The following PTPDC1 variants were observed in gnomAD, a reference collection of about 807,000 sequenced individuals.
PTPDC1 encodes protein tyrosine phosphatase domain-containing protein 1.
PTPDC1 carries 53 observed loss-of-function variants against 75.3 expected under a neutral mutation model. That is an observed-to-expected ratio of 0.70 (90% CI 0.56 to 0.88). The LOEUF is 0.88. PTPDC1 is among the 40% of genes least tolerant of loss of function. The pLI is 0.00. For synonymous variants in PTPDC1, 349 were observed against 366.2 expected (o/e 0.95, Z 0.54); for missense variants, 925 against 998.6 (o/e 0.93, Z 0.99).
At chr9:94,088,071 G>T in intron 3 of PTPDC1, 74 bp from the exon 4 acceptor site, 1 of 1,550,350 alleles carries the variant, frequency 6.5e-7, no homozygotes, top group South Asian at 1.2e-5. Context: ...TAATAATGTT[G>T]ATTAATACCA....
chr9:94,087,230 G>T (rs929489538), intron 2 of PTPDC1, among the ~76,000 whole-genome samples: 4 of 152,042 alleles, frequency 2.6e-5, no homozygotes, highest in African/African-American at 9.7e-5. Flanking sequence ...TTATGTCTTG[G>T]AATTTTTTCC....
At chr9:94,100,136 T>C (rs1299477463) in intron 6 of PTPDC1, 1 of 152,246 alleles carries the variant, frequency 6.6e-6, no homozygotes, top group Non-Finnish European at 1.5e-5. Context: ...TTTGTTAATC[T>C]TGTGAATTCA....
intron 1 of PTPDC1, among the ~76,000 whole-genome samples, chr9:94,050,310 T>TAGAG (rs1176388475): frequency 6.6e-6 from 1 of 152,168 alleles, no homozygotes. Context: ...GAGTTTCCAG[T>TAGAG]TTTTCTGCTC....
intron 8 of PTPDC1, among the ~76,000 whole-genome samples, chr9:94,107,467 G>A (rs1209070555): frequency 6.6e-6 from 1 of 152,204 alleles, no homozygotes; most frequent in Non-Finnish European, 1.5e-5. Flanking sequence ...CTCTCAGCAG[G>A]ACGTATACAG....
At chr9:94,104,470 T>C in intron 8 of PTPDC1, 85 bp downstream of exon 8, 1 of 836,886 alleles carries the variant, frequency 1.2e-6, no homozygotes, top group Non-Finnish European at 1.9e-6. Context: ...ACCGTCCTCC[T>C]CTAAAATAAA....
upstream of PTPDC1, among the ~76,000 whole-genome samples, chr9:94,084,163 G>A (rs1826980370): frequency 1.3e-5 from 2 of 152,140 alleles, no homozygotes; most frequent in Admixed American, 6.5e-5. Context: ...TATGTAAAAG[G>A]CAGTTTTTGC....
chr9:94,084,134 A>T (rs1826979611), upstream of PTPDC1, among the ~76,000 whole-genome samples: 1 of 152,218 alleles, frequency 6.6e-6, no homozygotes, highest in Admixed American at 6.5e-5. Flanking sequence ...GAATAACAGA[A>T]TTTAAGCCTT....
In PTPDC1 at chr9:94,097,680, G is replaced by A. The variant is rs753087644; in HGVS notation, c.1114G>A (p.Ala372Thr). The change falls in exon 6 of 9, where the codon GCT becomes ACT. Residue 372 changes from alanine to threonine, a missense_variant. Physicochemically the swap from Ala to Thr is moderately conservative, Grantham distance 58 (BLOSUM62 0). Transcript: ENST00000620992. The stretch of plus-strand genomic sequence containing the variant: ...TGTGTCCGAAGGACCTGGTCTCTCT[G>A]CTGAAATAGAAAAGACAATGTCTGA... ...KDVSEGPGLS[A>T]EIEKTMSEMV... The A allele has an allele frequency of 3.1e-6, 5 of 1,614,170 alleles. No individual in the cohort carries two copies. The highest frequency in any genetic ancestry group is 1.7e-5 in the Admixed American group (1 of 60,016).
Position 94,097,802 on chromosome 9 carries a change from T to C in PTPDC1, c.1236T>C (p.Asn412=). The change falls in exon 6 of 9, where the codon AAT becomes AAC. Residue 412 remains asparagine (N), a synonymous_variant. Coordinates refer to ENST00000620992, the MANE Select transcript of PTPDC1 (RefSeq NM_001253829.2). ...NPTAVAADFD[N]RGMIFSNEQQ... is the part of the protein sequence containing the mutation. ...CTGCAGTGGCAGCAGATTTTGACAA[T>C]CGAGGCATGATTTTCTCCAATGAGC... 2 of 1,614,158 alleles carry C rather than the reference T, an allele frequency of 1.2e-6. No homozygotes were observed. Among genetic ancestry groups the C allele is most frequent in the Non-Finnish European group, 1.7e-6 (2 of 1,180,030 alleles).
intron 1 of PTPDC1, among the ~76,000 whole-genome samples, chr9:94,035,534 G>A (rs918786831): frequency 1.3e-5 from 2 of 152,150 alleles, no homozygotes; most frequent in Non-Finnish European, 2.9e-5. Context: ...AGGCTGAATA[G>A]TAGTCCATTG....
At chr9:94,082,722 T>C (rs1826926467), upstream of PTPDC1, among the ~76,000 whole-genome samples, 1 of 152,184 alleles carries the variant, frequency 6.6e-6, no homozygotes. Context: ...TAGGCTTGAC[T>C]TCCTTAGACA....
At chr9:94,067,336 G>A (rs1334461303) in intron 2 of PTPDC1, among the ~76,000 whole-genome samples, 2 of 151,808 alleles carry the variant, frequency 1.3e-5, no homozygotes, top group East Asian at 1.9e-4. Flanking sequence ...GTTGCAGGGA[G>A]CCAAGATCAT....
intron 1 of PTPDC1, among the ~76,000 whole-genome samples, chr9:94,038,939 CTT>C (rs1317504994): frequency 6.6e-6 from 1 of 152,262 alleles, no homozygotes; most frequent in South Asian, 2.1e-4. Flanking sequence ...TCATTTAACA[CTT>C]TTAAAATTTT....
At chr9:94,051,129 G>A (rs1269996903) in intron 1 of PTPDC1, among the ~76,000 whole-genome samples, 3 of 152,208 alleles carry the variant, frequency 2.0e-5, no homozygotes, top group African/African-American at 7.2e-5. Context: ...CTTTGACTAG[G>A]AAAGGGAATT....
intron 1 of PTPDC1, among the ~76,000 whole-genome samples, chr9:94,035,195 G>C (rs780337645): frequency 3.9e-5 from 6 of 152,240 alleles, no homozygotes; most frequent in Non-Finnish European, 7.4e-5. Context: ...TGTTTCCCAA[G>C]AAGTTTGCAA....
chr9:94,106,124 T>G (rs1413936420), intron 8 of PTPDC1, among the ~76,000 whole-genome samples: 1 of 152,238 alleles, frequency 6.6e-6, no homozygotes, highest in Non-Finnish European at 1.5e-5. Flanking sequence ...GCAGTAGGAA[T>G]TCTTTACAAC....
intron 2 of PTPDC1, among the ~76,000 whole-genome samples, chr9:94,067,186 G>C (rs1564018495): frequency 6.6e-6 from 1 of 151,940 alleles, no homozygotes; most frequent in Non-Finnish European, 1.5e-5. Flanking sequence ...TCAGGAGTTC[G>C]AGACCAGCCT....
chr9:94,109,617 T>G lies in PTPDC1; in HGVS notation c.*1673T>G, dbSNP rs1268549307. ...ATAGAGTTTTTACCAAAAAAAGATG[T>G]TTGTTCTCATCTCAGTAGGCCTCAT... is the stretch of plus-strand genomic sequence containing the variant. On this transcript the variant is annotated 3_prime_UTR_variant, in exon 9 of 9. Transcript: ENST00000620992. The G allele has an allele frequency of 6.6e-6, 1 of 152,210 alleles. No individual in the cohort carries two copies. Among genetic ancestry groups the G allele is most frequent in the South Asian group, 2.1e-4 (1 of 4,834 alleles). 9.4% of individuals were successfully genotyped at this position (152,210 alleles called of 1,614,324 possible). A position where few individuals can be genotyped will look rare whatever the true frequency, so the allele number is the denominator to read the frequency against.
chr9:94,062,564 G>A (rs1826175771), intron 1 of PTPDC1, among the ~76,000 whole-genome samples: 1 of 152,206 alleles, frequency 6.6e-6, no homozygotes, highest in African/African-American at 2.4e-5. Flanking sequence ...AGGAAGCATG[G>A]CAGCATCTGC....
Sources: allele counts gnomAD v4.1 joint callset (sites outside exome capture counted in the v4.1 genomes callset), GRCh38; gene constraint gnomAD v4.1.1; transcripts MANE v1.5; gene names NCBI Gene and HGNC (gene_info 2026-07-23, HGNC 2026-07-21).